The following SDK1 variants were observed in gnomAD, a reference collection of about 807,000 sequenced individuals.
SDK1 encodes the protein protein sidekick-1.
SDK1 carries 157 observed loss-of-function variants against 245.5 expected under a neutral mutation model. That is an observed-to-expected ratio of 0.64 (90% CI 0.56 to 0.73). The LOEUF is 0.73. SDK1 is among the 30% of genes least tolerant of loss of function. The pLI is 0.00. For synonymous variants in SDK1, 1,647 were observed against 1,278.5 expected, an observed-to-expected ratio of 1.29 and a Z score of -6.15; for missense variants, 3,583 against 3,002.3, an observed-to-expected ratio of 1.19 and a Z score of -4.52.
chr7:4,088,755 C>T (rs1254311934), intron 22 of SDK1, among the ~76,000 whole-genome samples: 8 of 152,172 alleles, frequency 5.3e-5, no homozygotes, highest in Non-Finnish European at 8.8e-5. Context: ...TTGTTGTATC[C>T]ATGTTCATAA....
rs565762904 is a variant in SDK1 at position 3,766,432 on chromosome 7, C to T, written c.714-55018C>T. ...AGTTAGACTACCTTGATTTTTAATC[C>T]AGCTCCCCTACACCAGTCACTTCCT... On this transcript the variant is annotated intron_variant, in intron 4 of 44. Coordinates refer to ENST00000404826, the MANE Select transcript of SDK1 (RefSeq NM_152744.4). 4.6e-5 allele frequency among the ~76,000 whole-genome samples: 7 copies of T among 152,164 alleles called. No homozygotes were observed. The South Asian group carries it at 6.2e-4, about 14-fold the overall frequency.
intron 7 of SDK1, among the ~76,000 whole-genome samples, chr7:3,958,575 C>T (rs563616871): frequency 2.6e-5 from 4 of 152,278 alleles, no homozygotes; most frequent in Non-Finnish European, 5.9e-5. Flanking sequence ...TTCACGAGCT[C>T]GTGTTTAGTT....
At chr7:3,970,352 G>T (rs1421256613) in intron 11 of SDK1, among the ~76,000 whole-genome samples, 6 of 152,222 alleles carry the variant, frequency 3.9e-5, no homozygotes, top group African/African-American at 1.4e-4. Context: ...TTTGTAAAAT[G>T]ATCATGCGTT....
chr7:4,061,357 C>T lies in SDK1; in HGVS notation c.2912-6481C>T, dbSNP rs146539180. Among the ~76,000 whole-genome samples, 1,280 of 152,226 alleles carry T rather than the reference C, an allele frequency of 8.4e-3. 14 individuals carry two copies. Among genetic ancestry groups the T allele is most frequent in the South Asian group, 0.03 (145 of 4,824 alleles). On this transcript the variant is annotated intron_variant, in intron 19 of 44. Coordinates refer to ENST00000404826, the MANE Select transcript of SDK1 (RefSeq NM_152744.4). ...TAGTTCTCCTTGAAGAGGTCCTTCA[C>T]GTCCCTTGAAAACACATGAAAAAAT... is the stretch of plus-strand genomic sequence containing the variant.
intron 2 of SDK1, 41 bp from the exon 3 acceptor site, chr7:3,638,963 A>G (rs765881092): frequency 2.5e-5 from 31 of 1,247,014 alleles, no homozygotes; most frequent in Non-Finnish European, 3.4e-5. Flanking sequence ...ACCATGAAAC[A>G]CTGGATATAA....
In SDK1 at chr7:3,720,144, C is replaced by T. The variant is rs141713333; in HGVS notation, c.713+78039C>T. Among the ~76,000 whole-genome samples, 163 of 151,756 alleles carry T rather than the reference C, an allele frequency of 1.1e-3. 1 individual carries two copies. Among genetic ancestry groups the T allele is most frequent in the African/African-American group, 3.8e-3 (159 of 41,372 alleles). ...CCTTATTAAGAGTATAAAAACCAGC[C>T]ACTCGGGAGGCTGAGGGAGGGGAAT... On this transcript the variant is annotated intron_variant, in intron 4 of 44. Transcript: ENST00000404826.
At chr7:3,849,029 G>A (rs534099503) in intron 5 of SDK1, among the ~76,000 whole-genome samples, 7 of 152,134 alleles carry the variant, frequency 4.6e-5, no homozygotes, top group African/African-American at 9.7e-5. Context: ...GAGGCCCAGC[G>A]CATCAGATCT....
At chr7:4,108,579 G>A (rs981022236) in intron 22 of SDK1, among the ~76,000 whole-genome samples, 1 of 152,010 alleles carries the variant, frequency 6.6e-6, no homozygotes, top group Non-Finnish European at 1.5e-5. Flanking sequence ...CGACTTCCGG[G>A]GTATTCATTA....
chr7:3,458,500 C>T (rs1469846719), intron 1 of SDK1, among the ~76,000 whole-genome samples: 20 of 151,886 alleles, frequency 1.3e-4, no homozygotes, highest in Admixed American at 6.6e-5. Context: ...AGTTCTTTTT[C>T]AGGCCATCTA....
At chr7:3,835,150 T>C (rs1335206725) in intron 5 of SDK1, among the ~76,000 whole-genome samples, 1 of 152,188 alleles carries the variant, frequency 6.6e-6, no homozygotes, top group Non-Finnish European at 1.5e-5. Flanking sequence ...CTTTGGTAAG[T>C]ATAAAGTAGG....
chr7:4,027,332 A>G (rs928067239), intron 17 of SDK1, among the ~76,000 whole-genome samples: 5 of 152,324 alleles, frequency 3.3e-5, no homozygotes, highest in African/African-American at 1.2e-4. Flanking sequence ...AATATCGGCA[A>G]GTGCACTCTA....
At chr7:3,854,535 T>C (rs577943355) in intron 5 of SDK1, among the ~76,000 whole-genome samples, 1 of 152,320 alleles carries the variant, frequency 6.6e-6, no homozygotes, top group African/African-American at 2.4e-5. Flanking sequence ...AGAGCAACCA[T>C]ATTCCGTAAT....
rs1784475454 is a variant in SDK1, at chr7:3,692,943, A to G, written c.713+50838A>G. Among the ~76,000 whole-genome samples the G allele has an allele frequency of 2.0e-5, 3 of 151,972 alleles. No homozygotes were observed. The South Asian group carries it at 6.2e-4, about 31-fold the overall frequency. ...AGCATCTTGGTAATTTAATATTTTC[A>G]TTTATATATCATCCAGTAGTATTTC... On this transcript the variant is annotated intron_variant, in intron 4 of 44. Coordinates refer to ENST00000404826, the MANE Select transcript of SDK1 (RefSeq NM_152744.4).
At chr7:3,940,775 C>T (rs1186944786) in intron 5 of SDK1, among the ~76,000 whole-genome samples, 1 of 152,086 alleles carries the variant, frequency 6.6e-6, no homozygotes, top group East Asian at 1.9e-4. Context: ...GAGCCGAGAT[C>T]ATGCCGCTGC....
Position 3,504,780 on chromosome 7 carries a change from GA to G in SDK1, c.299-114288del, listed in dbSNP as rs35690254. Among the ~76,000 whole-genome samples, 933 of 144,236 alleles carry G rather than the reference GA, an allele frequency of 6.5e-3. 11 individuals are homozygous for G. The highest frequency in any genetic ancestry group is 0.023 in the South Asian group (105 of 4,554). 94.6% of individuals were successfully genotyped at this position (144,236 alleles called of 152,430 possible). A position where few individuals can be genotyped will look rare whatever the true frequency, so the allele number is the denominator to read the frequency against. ...ACACTAAAAGCACAAACAACAGAAG[GA>G]AAAAAAAAAAACCATACTTGGCTGG... On this transcript the variant is annotated intron_variant, in intron 1 of 44. Transcript: ENST00000404826.
chr7:3,449,970 G>C (rs934015528), intron 1 of SDK1, among the ~76,000 whole-genome samples: 3 of 152,230 alleles, frequency 2.0e-5, no homozygotes, highest in African/African-American at 7.2e-5. Context: ...CAGACTGGCT[G>C]TTGGGGGGTC....
At chr7:3,672,796 A>ATATATAAAT (rs1554307151) in intron 4 of SDK1, among the ~76,000 whole-genome samples, 4 of 53,414 alleles carry the variant, frequency 7.5e-5, no homozygotes, top group East Asian at 1.3e-3. Flanking sequence ...TATATATATA[A>ATATATAAAT]AAAATACAGA....
At chr7:3,969,718 A>G (rs1782337003) in intron 11 of SDK1, among the ~76,000 whole-genome samples, 1 of 152,232 alleles carries the variant, frequency 6.6e-6, no homozygotes, top group East Asian at 1.9e-4. Flanking sequence ...CACAAAATTG[A>G]TAGGTTGGTT....
chr7:3,540,321 C>T (rs1296273001), intron 1 of SDK1, among the ~76,000 whole-genome samples: 3 of 152,190 alleles, frequency 2.0e-5, no homozygotes, highest in East Asian at 1.9e-4. Flanking sequence ...ACAGGAGAAT[C>T]GCTTGAACCT....
Sources: allele counts gnomAD v4.1 joint callset (sites outside exome capture counted in the v4.1 genomes callset), GRCh38; gene constraint gnomAD v4.1.1; transcripts MANE v1.5; gene names NCBI Gene and HGNC (gene_info 2026-07-23, HGNC 2026-07-21).